The following PEBP4 variants were observed in gnomAD, a reference collection of about 807,000 sequenced individuals.
PEBP4 encodes the protein phosphatidylethanolamine binding protein 4.
Under a neutral mutation model 23.9 loss-of-function variants are expected in PEBP4, and 22 were observed. That is an observed-to-expected ratio of 0.92 (90% confidence interval 0.66 to 1.31). The LOEUF (loss-of-function observed/expected upper bound fraction) is 1.31, where lower values mean the gene tolerates loss of function less well. Among genes scored for constraint, PEBP4 ranks in the 40% most tolerant of loss-of-function variants. The pLI, the probability that PEBP4 is intolerant of heterozygous loss-of-function variation, is 0.00. For missense variants in PEBP4, 324 were observed against 281.7 expected (o/e 1.15, Z -1.07); for synonymous variants, 112 against 99.3 (o/e 1.13, Z -0.76).
intron 3 of PEBP4, among the ~76,000 whole-genome samples, chr8:22,842,730 C>G (rs1807354188): frequency 6.6e-6 from 1 of 152,198 alleles, no homozygotes; most frequent in Non-Finnish European, 1.5e-5. Flanking sequence ...GCCTCTGAAG[C>G]TGCACAGGCC....
At chr8:22,883,002 C>T (rs1563248343) in intron 3 of PEBP4, among the ~76,000 whole-genome samples, 1 of 152,202 alleles carries the variant, frequency 6.6e-6, no homozygotes. Flanking sequence ...CCTGGGGTAT[C>T]CCCCATGTGG....
intron 6 of PEBP4, among the ~76,000 whole-genome samples, chr8:22,715,891 C>A (rs551830358): frequency 2.6e-5 from 4 of 152,184 alleles, no homozygotes; most frequent in Non-Finnish European, 4.4e-5. Flanking sequence ...AGCTAGGAGG[C>A]TGCGGCTTCT....
chr8:22,827,505 T>G lies in PEBP4; in HGVS notation c.259-9770A>C, dbSNP rs150003683. 7.0e-3 allele frequency among the ~76,000 whole-genome samples: 1,061 copies of G among 152,330 alleles called. 30 individuals carry two copies. The highest frequency in any genetic ancestry group is 0.05 in the Admixed American group (762 of 15,288). On this transcript the variant is annotated intron_variant, in intron 3 of 6. Transcript: ENST00000256404. ...ATGGAGTCATAATACTTGTTTTTTT[T>G]TGTGTTGGCATCTTTTACTCAGCGT...
intron 4 of PEBP4, among the ~76,000 whole-genome samples, chr8:22,778,500 A>G (rs1425085357): frequency 2.0e-5 from 3 of 151,862 alleles, no homozygotes; most frequent in Non-Finnish European, 4.4e-5. Flanking sequence ...TAACTTGGAC[A>G]GGCTCCTGGG....
intron 2 of PEBP4, among the ~76,000 whole-genome samples, chr8:22,922,965 G>A (rs1384713699): frequency 6.6e-6 from 1 of 152,226 alleles, no homozygotes. Context: ...TGAAGGGCAT[G>A]ACTTTTACTG....
intron 4 of PEBP4, chr8:22,815,233 G>A (rs1806715011): frequency 6.6e-6 from 1 of 152,168 alleles, no homozygotes; most frequent in Admixed American, 6.5e-5. Flanking sequence ...GAACGACCGA[G>A]GCATCCCAGC....
chr8:22,850,565 G>GTGTGTGTGTC (rs1369635085), intron 3 of PEBP4, among the ~76,000 whole-genome samples: 1 of 152,174 alleles, frequency 6.6e-6, no homozygotes, highest in African/African-American at 2.4e-5. Flanking sequence ...GCGTGTGTGT[G>GTGTGTGTGTC]TGTGTGTGTC....
chr8:22,815,944 C>T (rs1233342216), intron 4 of PEBP4, among the ~76,000 whole-genome samples: 3 of 152,186 alleles, frequency 2.0e-5, no homozygotes, highest in South Asian at 2.1e-4. Flanking sequence ...TTTTGCACTC[C>T]GGCCTCAGGA....
At chr8:22,829,671 C>A (rs1807040290) in intron 3 of PEBP4, among the ~76,000 whole-genome samples, 1 of 152,040 alleles carries the variant, frequency 6.6e-6, no homozygotes, top group Admixed American at 6.6e-5. Flanking sequence ...ATCAGCAATA[C>A]CTTCTCTCTC....
chr8:22,878,449 G>A (rs1354193362), intron 3 of PEBP4, among the ~76,000 whole-genome samples: 2 of 152,184 alleles, frequency 1.3e-5, no homozygotes, highest in Non-Finnish European at 2.9e-5. Context: ...GTGGCCTTGG[G>A]TTTCCAAGTG....
intron 3 of PEBP4, among the ~76,000 whole-genome samples, chr8:22,856,809 C>A (rs1807663108): frequency 6.6e-6 from 1 of 151,946 alleles, no homozygotes; most frequent in Admixed American, 6.6e-5. Flanking sequence ...TAGGATCTTA[C>A]CCCCAGAAAT....
intron 3 of PEBP4, among the ~76,000 whole-genome samples, chr8:22,858,271 C>T (rs991950294): frequency 9.2e-5 from 14 of 152,280 alleles, no homozygotes; most frequent in South Asian, 4.1e-4. Context: ...AAAATAGTGA[C>T]GGCATCTGAG....
At position 22,817,748 on chromosome 8, in the gene PEBP4, T is replaced by C. The variant is rs1288406460; in HGVS notation, c.259-13A>G. 4 of 1,609,114 alleles carry C rather than the reference T, an allele frequency of 2.5e-6. No individual in the cohort carries two copies. Among genetic ancestry groups the C allele is most frequent in the Non-Finnish European group, 3.4e-6 (4 of 1,175,686 alleles). On this transcript the variant is annotated splice_polypyrimidine_tract_variant and intron_variant, in intron 3 of 6. Coordinates refer to ENST00000256404, the MANE Select transcript of PEBP4 (RefSeq NM_144962.3). ...TATAGGTTGCGCCCTGTAACACATGTACCGAAAAGTAATGTAGCGTCATGG... is the reference window on the plus strand; with the variant it reads ...TATAGGTTGCGCCCTGTAACACATGCACCGAAAAGTAATGTAGCGTCATGG...
intron 3 of PEBP4, among the ~76,000 whole-genome samples, chr8:22,882,812 C>T (rs11784354): frequency 0.16 from 24,524 of 152,106 alleles, 2,216 homozygotes; most frequent in Middle Eastern, 0.24. Context: ...GGCCACTATC[C>T]ACCTGCCCAA....
At chr8:22,917,304 G>C (rs75578890) in intron 3 of PEBP4, among the ~76,000 whole-genome samples, 2,199 of 152,120 alleles carry the variant, frequency 0.014, 57 homozygotes, top group African/African-American at 0.05. Flanking sequence ...CAGGCTCCCC[G>C]CACCCTTTTC....
intron 4 of PEBP4, among the ~76,000 whole-genome samples, chr8:22,734,425 T>G (rs1162334520): frequency 6.6e-6 from 1 of 152,172 alleles, no homozygotes; most frequent in East Asian, 1.9e-4. Flanking sequence ...ACTTCTAGAC[T>G]CCAGGGTGTA....
rs1200489278 is a variant in PEBP4 at position 22,817,679 on chromosome 8, G to C, written c.315C>G (p.Pro105=). 2 of 1,614,178 alleles carry C rather than the reference G, an allele frequency of 1.2e-6. No homozygotes were observed. The highest frequency in any genetic ancestry group is 1.7e-6 in the Non-Finnish European group (2 of 1,180,018). Residue 105 remains proline, a synonymous_variant, in exon 4 of 7, where the codon CCC becomes CCG. Coordinates refer to ENST00000256404, the MANE Select transcript of PEBP4 (RefSeq NM_144962.3). ...VDPDAPSRAE[P]RQRFWRHWLV... is the part of the protein sequence containing the mutation. ...GCCAATGTCTCCAGAATCTCTGTCTGGGTTCTGCTCTGCTAGGGGCATCTG... is the reference window on the plus strand; with the variant it reads ...GCCAATGTCTCCAGAATCTCTGTCTCGGTTCTGCTCTGCTAGGGGCATCTG...
chr8:22,796,748 G>A (rs1210865310), intron 4 of PEBP4, among the ~76,000 whole-genome samples: 1 of 152,122 alleles, frequency 6.6e-6, no homozygotes. Context: ...CAGTGGCTCC[G>A]CATGGACATA....
intron 3 of PEBP4, among the ~76,000 whole-genome samples, chr8:22,858,958 A>G (rs1220319582): frequency 1.3e-5 from 2 of 152,126 alleles, no homozygotes; most frequent in East Asian, 1.9e-4. Flanking sequence ...AAAAACAACA[A>G]TAACAAAACA....
Sources: allele counts gnomAD v4.1 joint callset (sites outside exome capture counted in the v4.1 genomes callset), GRCh38; gene constraint gnomAD v4.1.1; transcripts MANE v1.5; gene names NCBI Gene and HGNC (gene_info 2026-07-23, HGNC 2026-07-21).